The following ITGA6 variants were observed in gnomAD, a reference collection of about 807,000 sequenced individuals.
ITGA6 encodes the protein integrin subunit alpha 6, also known as integrin alpha-6.
In ITGA6, 63 loss-of-function variants were observed where a neutral mutation model predicts 133.6. The observed-to-expected ratio is 0.47, with a 90% CI of 0.38 to 0.58. ITGA6 has a LOEUF of 0.58. Among genes scored for constraint, ITGA6 ranks in the 20% least tolerant of loss-of-function variants. The pLI is 0.00. For synonymous variants in ITGA6, 434 were observed against 482.0 expected, an observed-to-expected ratio of 0.90 and a Z score of 1.30; for missense variants, 1,068 against 1,309.4, an observed-to-expected ratio of 0.82 and a Z score of 2.85.
rs746713750 is a variant in ITGA6 at position 172,465,662 on chromosome 2, T to TG, written c.307+1dup. On this transcript the variant is annotated frameshift_variant and splice_region_variant, in exon 2 of 26. Transcript: ENST00000684293. LOFTEE classifies it high-confidence loss of function. ...GCACGCGGATCGAGTTTGATAACGA[T>TG]GGTGCGTTCCTTTCCCTCACTCAGC... 1 of 1,614,158 alleles carries TG rather than the reference T, an allele frequency of 6.2e-7. No homozygotes were observed. Among genetic ancestry groups the TG allele is most frequent in the Non-Finnish European group, 8.5e-7 (1 of 1,179,978 alleles).
upstream of ITGA6, chr2:172,427,545 T>A: frequency 1.7e-6 from 2 of 1,174,198 alleles, no homozygotes; most frequent in Non-Finnish European, 2.1e-6. Flanking sequence ...GGGGCCGGCG[T>A]CCTCGTCACT....
chr2:172,475,865 AC>A (rs1330142718), intron 8 of ITGA6, among the ~76,000 whole-genome samples, 180 bp downstream of exon 8: 4 of 152,226 alleles, frequency 2.6e-5, no homozygotes, highest in Admixed American at 6.5e-5. Context: ...AAATGTAATG[AC>A]TTGCTTGTTC....
chr2:172,443,250 T>C (rs1684616610), intron 1 of ITGA6, among the ~76,000 whole-genome samples: 1 of 152,208 alleles, frequency 6.6e-6, no homozygotes. Flanking sequence ...ATCTTGTAAA[T>C]AAAGAGCTTC....
At chr2:172,470,041 C>G (rs1168703989) in intron 4 of ITGA6, among the ~76,000 whole-genome samples, 71 of 152,194 alleles carry the variant, frequency 4.7e-4, no homozygotes, top group Non-Finnish European at 1.6e-4. Flanking sequence ...CAACCTAACT[C>G]TCATCCATGA....
At chr2:172,482,415 A>G (rs1186171999) in intron 11 of ITGA6, among the ~76,000 whole-genome samples, 1 of 152,246 alleles carries the variant, frequency 6.6e-6, no homozygotes. Context: ...TTAGCTCAGC[A>G]GTCCTCAGAT....
At chr2:172,458,277 A>G (rs35821653) in intron 1 of ITGA6, among the ~76,000 whole-genome samples, 33,721 of 147,980 alleles carry the variant, frequency 0.23, 4,002 homozygotes, top group East Asian at 0.3. Flanking sequence ...ATCTTTCTCT[A>G]TCACTCAGGC....
intron 1 of ITGA6, among the ~76,000 whole-genome samples, chr2:172,454,071 T>A (rs943519918): frequency 7.4e-6 from 1 of 134,930 alleles, no homozygotes; most frequent in South Asian, 2.4e-4. Context: ...AAGTGGGAAG[T>A]TTTTTTTTTG....
At chr2:172,451,132 G>A (rs560596242) in intron 1 of ITGA6, among the ~76,000 whole-genome samples, 16 of 150,848 alleles carry the variant, frequency 1.1e-4, no homozygotes, top group African/African-American at 3.9e-4. Context: ...TCCAGCCTGG[G>A]TGACAGAGTG....
chr2:172,448,668 T>G (rs1463578764), intron 1 of ITGA6, among the ~76,000 whole-genome samples: 1 of 152,234 alleles, frequency 6.6e-6, no homozygotes, highest in Admixed American at 6.5e-5. Flanking sequence ...AGTTGTAGTT[T>G]ATAGTCAAAA....
intron 1 of ITGA6, among the ~76,000 whole-genome samples, chr2:172,440,592 G>A (rs1170025666): frequency 2.6e-5 from 4 of 152,250 alleles, no homozygotes; most frequent in African/African-American, 7.2e-5. Flanking sequence ...ATTCTAATGT[G>A]TATTAGTGGC....
At chr2:172,448,379 A>G (rs1298929406) in intron 1 of ITGA6, among the ~76,000 whole-genome samples, 2 of 152,118 alleles carry the variant, frequency 1.3e-5, no homozygotes, top group Non-Finnish European at 2.9e-5. Flanking sequence ...AGTGCTAGGC[A>G]CAACTCCTGG....
In ITGA6 at chr2:172,445,050, C is replaced by T. The variant is rs1684702921; in HGVS notation, c.182+17080C>T. On this transcript the variant is annotated intron_variant, in intron 1 of 25. Coordinates refer to ENST00000684293, the MANE Select transcript of ITGA6 (RefSeq NM_000210.4). ...GCGGGCTCTTGGCTTACTGCAACCT[C>T]TGCCTCTCAGGTTCAAGTGATTCTG... 2.6e-5 allele frequency among the ~76,000 whole-genome samples: 4 copies of T among 152,128 alleles called. No individual in the cohort carries two copies. In the South Asian group the frequency reaches 8.3e-4, roughly 32 times the overall value.
At chr2:172,466,344 C>G (rs189405469) in intron 2 of ITGA6, among the ~76,000 whole-genome samples, 1 of 152,116 alleles carries the variant, frequency 6.6e-6, no homozygotes, top group Non-Finnish European at 1.5e-5. Flanking sequence ...GTTGGCCAGG[C>G]GTCGGTGGCT....
At chr2:172,494,023 T>A (rs1484359630) in intron 23 of ITGA6, among the ~76,000 whole-genome samples, 1 of 152,188 alleles carries the variant, frequency 6.6e-6, no homozygotes, top group African/African-American at 2.4e-5. Flanking sequence ...CTTTTGAAAA[T>A]TGAGACATTT....
chr2:172,502,175 C>T (rs906953086), intron 25 of ITGA6, among the ~76,000 whole-genome samples: 4 of 152,082 alleles, frequency 2.6e-5, no homozygotes, highest in Non-Finnish European at 5.9e-5. Context: ...TATTTGTACA[C>T]ACAAAAAGAG....
At chr2:172,469,417 C>T (rs2149041620) in intron 4 of ITGA6, 37 bp downstream of exon 4, 3 of 1,396,804 alleles carry the variant, frequency 2.1e-6, no homozygotes. Context: ...GAGATTAGTT[C>T]CCCTAATTTC....
intron 1 of ITGA6, among the ~76,000 whole-genome samples, chr2:172,451,542 T>C (rs1001970359): frequency 6.6e-6 from 1 of 151,556 alleles, no homozygotes; most frequent in African/African-American, 2.4e-5. Context: ...GTGTTAAATA[T>C]GAGATGTTAA....
At chr2:172,456,434 A>C (rs573578070) in intron 1 of ITGA6, among the ~76,000 whole-genome samples, 1 of 152,226 alleles carries the variant, frequency 6.6e-6, no homozygotes, top group African/African-American at 2.4e-5. Context: ...CCAGCTTTCT[A>C]TCCGAGCCTG....
chr2:172,445,366 A>G (rs1684719097), intron 1 of ITGA6, among the ~76,000 whole-genome samples: 1 of 148,800 alleles, frequency 6.7e-6, no homozygotes, highest in African/African-American at 2.4e-5. Flanking sequence ...AAAAAAAAAA[A>G]AGGCCGGGCG....
Sources: allele counts gnomAD v4.1 joint callset (sites outside exome capture counted in the v4.1 genomes callset), GRCh38; gene constraint gnomAD v4.1.1; transcripts MANE v1.5; gene names NCBI Gene and HGNC (gene_info 2026-07-23, HGNC 2026-07-21).